Variants in CACNA2D3 observed in about 807,000 individuals in gnomAD.
CACNA2D3 encodes voltage-dependent calcium channel subunit alpha-2/delta-3.
A neutral mutation model predicts 160.6 loss-of-function variants in CACNA2D3; 60 were observed. The ratio of observed to expected loss-of-function variants is 0.37; its 90% confidence interval spans 0.30 to 0.46. CACNA2D3 has a LOEUF of 0.46. Among genes scored for constraint, CACNA2D3 ranks in the 20% least tolerant of loss-of-function variants. The pLI, the probability that CACNA2D3 is intolerant of heterozygous loss-of-function variation, is 1.00. For missense variants in CACNA2D3, 1,205 were observed against 1,365.0 expected (o/e 0.88, Z 1.85); for synonymous variants, 558 against 492.9 (o/e 1.13, Z -1.75).
chr3:54,612,780 T>C (rs538950966), intron 9 of CACNA2D3, among the ~76,000 whole-genome samples: 26 of 152,286 alleles, frequency 1.7e-4, no homozygotes, highest in Admixed American at 5.9e-4. Context: ...TGAGGATGCC[T>C]ACCTGCTAAT....
intron 4 of CACNA2D3, among the ~76,000 whole-genome samples, chr3:54,463,814 G>A (rs1372189697): frequency 2.0e-5 from 3 of 152,204 alleles, no homozygotes; most frequent in Admixed American, 6.5e-5. Flanking sequence ...TTGCTGGTGA[G>A]GAACTGCGTT....
chr3:54,495,018 G>T (rs1701181386), intron 4 of CACNA2D3, among the ~76,000 whole-genome samples: 1 of 152,178 alleles, frequency 6.6e-6, no homozygotes, highest in Admixed American at 6.5e-5. Context: ...GAGATTGGGT[G>T]GGGACATAGA....
At chr3:54,412,165 A>G (rs891000940) in intron 4 of CACNA2D3, among the ~76,000 whole-genome samples, 2 of 152,106 alleles carry the variant, frequency 1.3e-5, no homozygotes, top group Non-Finnish European at 2.9e-5. Context: ...ACAGTGTTGG[A>G]TGAATTCTTT....
chr3:54,767,043 C>T (rs1163596537), intron 13 of CACNA2D3, among the ~76,000 whole-genome samples: 1 of 151,636 alleles, frequency 6.6e-6, no homozygotes, highest in African/African-American at 2.4e-5. Context: ...CTCTGCACCA[C>T]CTCCCACATC....
chr3:54,724,670 A>G (rs534560333), intron 11 of CACNA2D3, among the ~76,000 whole-genome samples: 5 of 152,322 alleles, frequency 3.3e-5, no homozygotes, highest in Admixed American at 6.5e-5. Context: ...CTGAATGACT[A>G]CTGGGTAAAT....
At chr3:54,350,992 T>TTTTTTTTTTTTTTTTTTG (rs1559457861) in intron 3 of CACNA2D3, among the ~76,000 whole-genome samples, 2 of 111,032 alleles carry the variant, frequency 1.8e-5, no homozygotes, top group Non-Finnish European at 3.9e-5. Context: ...GTTTGTTTTT[T>TTTTTTTTTTTTTTTTTTG]TTTTTTTTTT....
chr3:54,659,481 T>C (rs1259943459), intron 11 of CACNA2D3, among the ~76,000 whole-genome samples: 2 of 152,236 alleles, frequency 1.3e-5, no homozygotes, highest in East Asian at 1.9e-4. Context: ...ACCTTTCACC[T>C]GATCCCCAGT....
chr3:54,330,208 ATATGTGTG>A (rs1286942626), intron 3 of CACNA2D3, among the ~76,000 whole-genome samples: 128 of 103,598 alleles, frequency 1.2e-3, no homozygotes, highest in African/African-American at 2.9e-3. Context: ...TTTTTAATTG[ATATGTGTG>A]TGTGTGTGTG....
intron 8 of CACNA2D3, among the ~76,000 whole-genome samples, chr3:54,574,075 G>A (rs375855978): frequency 2.0e-5 from 3 of 152,080 alleles, no homozygotes; most frequent in Non-Finnish European, 2.9e-5. Context: ...TGTTATCATC[G>A]GCTGGATTCC....
chr3:55,033,475 A>G (rs970939543), intron 35 of CACNA2D3, among the ~76,000 whole-genome samples: 5 of 150,908 alleles, frequency 3.3e-5, no homozygotes, highest in African/African-American at 1.2e-4. Flanking sequence ...GGTATATTAA[A>G]TGTTTTGCAA....
intron 31 of CACNA2D3, among the ~76,000 whole-genome samples, chr3:54,998,899 A>G (rs1443812830): frequency 6.6e-6 from 1 of 152,064 alleles, no homozygotes; most frequent in East Asian, 1.9e-4. Flanking sequence ...GGCACCTGCT[A>G]CCATGCCCGG....
chr3:54,677,610 G>GTTTTTT (rs1223720791), intron 11 of CACNA2D3, among the ~76,000 whole-genome samples: 1 of 122,780 alleles, frequency 8.1e-6, no homozygotes, highest in Non-Finnish European at 1.7e-5. Context: ...AATAGTTTTT[G>GTTTTTT]TTTTTTTTTT....
Position 54,607,849 on chromosome 3 carries a change from G to T in CACNA2D3, c.964-19938G>T, listed in dbSNP as rs1369311795. Among the ~76,000 whole-genome samples, 34 of 152,106 alleles carry T rather than the reference G, an allele frequency of 2.2e-4. 1 individual carries two copies. Among genetic ancestry groups the T allele is most frequent in the Non-Finnish European group, 2.9e-5 (2 of 68,024 alleles). ...CCCAAGTTTCCTTCAGCACGGGAAT[G>T]AATAAACAGACTATGGTACATTCAT... On this transcript the variant is annotated intron_variant, in intron 9 of 37. Coordinates refer to ENST00000474759, the MANE Select transcript of CACNA2D3 (RefSeq NM_018398.3).
At chr3:54,569,882 A>G (rs78831319) in intron 7 of CACNA2D3, 27 bp downstream of exon 7, 2 of 1,611,870 alleles carry the variant, frequency 1.2e-6, no homozygotes, top group Non-Finnish European at 1.7e-6. Context: ...CCTCTTTGTT[A>G]TTTCTCAAAG....
At chr3:54,535,141 A>T (rs766907524) in intron 5 of CACNA2D3, among the ~76,000 whole-genome samples, 1 of 152,192 alleles carries the variant, frequency 6.6e-6, no homozygotes, top group Non-Finnish European at 1.5e-5. Flanking sequence ...TGGCTCACAT[A>T]TCGTGGTCCC....
chr3:54,671,308 C>A (rs141322011), intron 11 of CACNA2D3, among the ~76,000 whole-genome samples: 1 of 152,024 alleles, frequency 6.6e-6, no homozygotes, highest in East Asian at 1.9e-4. Flanking sequence ...TACTCCTACC[C>A]TTTGCAGGGC....
At chr3:54,509,291 T>TTGTGTG (rs10586548) in intron 5 of CACNA2D3, among the ~76,000 whole-genome samples, 3 of 150,964 alleles carry the variant, frequency 2.0e-5, no homozygotes, top group African/African-American at 7.3e-5. Context: ...GTGTGTGTGT[T>TTGTGTG]TGTGTGTGTG....
intron 4 of CACNA2D3, among the ~76,000 whole-genome samples, chr3:54,387,380 G>A (rs1699205632): frequency 1.3e-5 from 2 of 152,212 alleles, no homozygotes; most frequent in Non-Finnish European, 2.9e-5. Context: ...AGCTGGGTGT[G>A]GTGGCTCATG....
chr3:54,905,136 T>G (rs890588521), intron 27 of CACNA2D3, among the ~76,000 whole-genome samples: 21 of 152,176 alleles, frequency 1.4e-4, no homozygotes, highest in South Asian at 2.1e-4. Context: ...TTTTAAATTA[T>G]AAAATTCAAT....
Sources: gnomAD v4.1 joint callset for allele counts (sites outside exome capture counted in the v4.1 genomes callset) on GRCh38, gnomAD v4.1.1 for gene constraint, MANE v1.5 for transcripts, NCBI Gene and HGNC (gene_info 2026-07-23, HGNC 2026-07-21) for gene names.